Variants in CARM1 observed in about 807,000 individuals in gnomAD.
CARM1 encodes the protein coactivator associated arginine methyltransferase 1.
Under a neutral mutation model 72.7 loss-of-function variants are expected in CARM1, and 14 were observed. The ratio of observed to expected loss-of-function variants is 0.19; its 90% CI spans 0.13 to 0.30. The LOEUF is 0.30. Among genes scored for constraint, CARM1 ranks in the 10% least tolerant of loss-of-function variants. The pLI is 1.00. For synonymous variants in CARM1, 333 were observed against 345.5 expected (o/e 0.96, Z 0.40); for missense variants, 432 against 833.7 (o/e 0.52, Z 5.93).
chr19:10,881,812 A>C (rs979170225), intron 1 of CARM1, among the ~76,000 whole-genome samples: 2 of 152,176 alleles, frequency 1.3e-5, no homozygotes, highest in African/African-American at 4.8e-5. Flanking sequence ...TGAAATGGTC[A>C]GCAGAAATTC....
chr19:10,900,524 T>C (rs770361431), intron 1 of CARM1, among the ~76,000 whole-genome samples: 2 of 152,224 alleles, frequency 1.3e-5, no homozygotes, highest in Non-Finnish European at 2.9e-5. Flanking sequence ...TTTATTTTTA[T>C]GGCTGAATAA....
intron 1 of CARM1, among the ~76,000 whole-genome samples, chr19:10,873,632 T>G (rs1040149629): frequency 1.8e-5 from 2 of 113,528 alleles, no homozygotes; most frequent in Non-Finnish European, 1.9e-5. Context: ...TAGTTTTTTT[T>G]TTTTTTTTTT....
At chr19:10,873,624 G>GTTTTTTTTTTTT (rs1169565864) in intron 1 of CARM1, among the ~76,000 whole-genome samples, 8 of 47,346 alleles carry the variant, frequency 1.7e-4, no homozygotes, top group Admixed American at 3.7e-4. Flanking sequence ...TTTTAGTTTA[G>GTTTTTTTTTTTT]TTTTTTTTTT....
At chr19:10,882,386 G>A (rs746992935) in intron 1 of CARM1, among the ~76,000 whole-genome samples, 13 of 152,116 alleles carry the variant, frequency 8.5e-5, no homozygotes, top group African/African-American at 1.7e-4. Context: ...CAGTGTCCCC[G>A]AATCTCAGCT....
Position 10,908,149 on chromosome 19 carries a change from G to T in CARM1, c.453+4G>T. On this transcript the variant is annotated splice_donor_region_variant and intron_variant, in intron 3 of 15. Transcript: ENST00000327064. The stretch of plus-strand genomic sequence containing the variant: ...TTCTGCCGTGCAGTACTTCCAGGTG[G>T]GTTGTACTCCCCCTCAGCCAGGCCG... 6.2e-7 allele frequency: 1 copy of T among 1,603,596 alleles called. No individual in the cohort carries two copies. The highest frequency in any genetic ancestry group is 2.2e-5 in the East Asian group (1 of 44,818).
chr19:10,881,055 A>C (rs761854943), intron 1 of CARM1, among the ~76,000 whole-genome samples: 2 of 152,178 alleles, frequency 1.3e-5, no homozygotes, highest in African/African-American at 4.8e-5. Context: ...AGTCCCAGCT[A>C]TTCCAGAGGC....
chr19:10,908,969 C>T (rs1409238068), intron 3 of CARM1, 134 bp from the exon 4 acceptor site: 4 of 598,680 alleles, frequency 6.7e-6, no homozygotes, highest in Non-Finnish European at 1.2e-5. Context: ...TAGTGGGGCC[C>T]AGGCAGAGGG....
intron 1 of CARM1, among the ~76,000 whole-genome samples, chr19:10,888,901 C>A (rs1055252875): frequency 2.6e-5 from 4 of 152,216 alleles, no homozygotes; most frequent in Non-Finnish European, 5.9e-5. Flanking sequence ...GCACACCCCA[C>A]AACTGAGCAG....
At chr19:10,873,110 G>A (rs930133502) in intron 1 of CARM1, among the ~76,000 whole-genome samples, 3 of 152,048 alleles carry the variant, frequency 2.0e-5, no homozygotes, top group African/African-American at 7.2e-5. Flanking sequence ...ATTTCAGCGG[G>A]GGTTTCAGAG....
Position 10,917,963 on chromosome 19 carries a change from C to T in CARM1, c.1020+1186C>T, listed in dbSNP as rs188296825. Among the ~76,000 whole-genome samples, 1,091 of 152,246 alleles carry T rather than the reference C, an allele frequency of 7.2e-3. 6 individuals carry two copies. The highest frequency in any genetic ancestry group is 0.011 in the Non-Finnish European group (724 of 68,014). ...CTGACCTTAGGTGATCCGCCTGCCT[C>T]GGCCTCCCAAAGTGCTGGGATTACA... On this transcript the variant is annotated intron_variant, in intron 8 of 15. Transcript: ENST00000327064.
At chr19:10,905,791 G>A (rs1025476839) in intron 2 of CARM1, among the ~76,000 whole-genome samples, 6 of 152,144 alleles carry the variant, frequency 3.9e-5, no homozygotes, top group Non-Finnish European at 5.9e-5. Flanking sequence ...GGGGCCAGCT[G>A]TGTGAAGCTG....
At chr19:10,907,726 C>T (rs1015759126) in intron 2 of CARM1, among the ~76,000 whole-genome samples, 6 of 152,186 alleles carry the variant, frequency 3.9e-5, no homozygotes, top group Admixed American at 6.5e-5. Context: ...ACTCCTGGGC[C>T]GGTGGGCGTG....
In CARM1 at chr19:10,913,858, T is replaced by A; in HGVS notation, c.670-19T>A. 6.2e-7 allele frequency: 1 copy of A among 1,606,588 alleles called. No homozygotes were observed. The highest frequency in any genetic ancestry group is 8.5e-7 in the Non-Finnish European group (1 of 1,176,014). On this transcript the variant is annotated intron_variant, in intron 5 of 15. Coordinates refer to ENST00000327064, the MANE Select transcript of CARM1 (RefSeq NM_199141.2). ...GCAGGAAGACGCAGGGAAGCCCACATGGCCCTGCCCGCCTGCAGGTCTTGG... is the reference window on the plus strand; with the variant it reads ...GCAGGAAGACGCAGGGAAGCCCACAAGGCCCTGCCCGCCTGCAGGTCTTGG...
Position 10,896,406 on chromosome 19 carries a change from G to A in CARM1, c.221-8545G>A, listed in dbSNP as rs2074024205. Among the ~76,000 whole-genome samples, 1 of 152,090 alleles carries A rather than the reference G, an allele frequency of 6.6e-6. No individual in the cohort carries two copies. The highest frequency in any genetic ancestry group is 1.5e-5 in the Non-Finnish European group (1 of 67,990). On this transcript the variant is annotated intron_variant, in intron 1 of 15. Transcript: ENST00000327064. The surrounding 1 kb of genome is among the most constrained non-coding windows in gnomAD (Gnocchi z 5.2). ...CTGACTCTAAGGCAGGTGGGGAACA[G>A]CAGCCAGTCCACCAAGAGCTGCCCT...
At chr19:10,885,853 C>A (rs960421536) in intron 1 of CARM1, among the ~76,000 whole-genome samples, 2 of 148,108 alleles carry the variant, frequency 1.4e-5, no homozygotes, top group Non-Finnish European at 1.5e-5. Flanking sequence ...GACAGCCCCC[C>A]ACAGGGAGCC....
intron 1 of CARM1, among the ~76,000 whole-genome samples, chr19:10,898,476 C>A (rs561525193): frequency 2.3e-4 from 35 of 152,346 alleles, no homozygotes; most frequent in Admixed American, 1.6e-3. Flanking sequence ...CGGCTGATGC[C>A]GCAACAGTGG....
Position 10,921,117 on chromosome 19 carries a change from G to C in CARM1, c.1605G>C (p.Leu535=), listed in dbSNP as rs777860668. 8.7e-6 allele frequency: 14 copies of C among 1,613,544 alleles called. No individual in the cohort carries two copies. In the Admixed American group the frequency reaches 2.0e-4, roughly 23 times the overall value. ...GCTCCAGCGTGGGCCACAACAACCT[G>C]ATTCCTTTAGGTGAGTGTCCCCCAG... ...ASGSSVGHNN[L]IPLANTGIVN... Residue 535 remains leucine (L), a synonymous_variant, in exon 14 of 16, where the codon CTG becomes CTC. Coordinates refer to ENST00000327064, the MANE Select transcript of CARM1 (RefSeq NM_199141.2).
intron 1 of CARM1, among the ~76,000 whole-genome samples, chr19:10,904,505 C>T (rs2074088653): frequency 6.6e-6 from 1 of 152,234 alleles, no homozygotes; most frequent in Non-Finnish European, 1.5e-5. Context: ...AGGGACATGC[C>T]TGTGTCACAG....
chr19:10,872,739 A>G (rs1419512335), intron 1 of CARM1, among the ~76,000 whole-genome samples: 2 of 150,958 alleles, frequency 1.3e-5, no homozygotes, highest in Non-Finnish European at 2.9e-5. Context: ...CCCCGCTCCC[A>G]GTCTTTGTAG....
Sources: gnomAD v4.1 joint callset for allele counts (sites outside exome capture counted in the v4.1 genomes callset) on GRCh38, gnomAD v4.1.1 for gene constraint, Gnocchi (gnomAD v3.1) non-coding constraint, MANE v1.5 for transcripts, NCBI Gene and HGNC (gene_info 2026-07-23, HGNC 2026-07-21) for gene names.